ADD1: variants seen among roughly 807,000 people sequenced by gnomAD.
ADD1 encodes adducin 1, also known as alpha-adducin.
Under a neutral mutation model 80.5 loss-of-function variants are expected in ADD1, and 24 were observed. That is an observed-to-expected ratio of 0.30 (90% CI 0.22 to 0.42). The LOEUF (loss-of-function observed/expected upper bound fraction) is 0.42, where lower values mean the gene tolerates loss of function less well. Ranked by LOEUF, ADD1 falls within the 10% of genes least tolerant of loss-of-function variation. ADD1 has a pLI of 1.00. For synonymous variants in ADD1, 373 were observed against 393.8 expected, an observed-to-expected ratio of 0.95 and a Z score of 0.63; for missense variants, 948 against 1,019.0, an observed-to-expected ratio of 0.93 and a Z score of 0.95.
chr4:2,844,986 G>A (rs1311807915), intron 1 of ADD1, among the ~76,000 whole-genome samples: 3 of 152,204 alleles, frequency 2.0e-5, no homozygotes, highest in Admixed American at 1.3e-4. Context: ...ACAGGCACCA[G>A]AGAGAGGAGG....
intron 2 of ADD1, among the ~76,000 whole-genome samples, chr4:2,878,845 G>A (rs1731772054): frequency 6.6e-6 from 1 of 152,144 alleles, no homozygotes; most frequent in South Asian, 2.1e-4. Flanking sequence ...CATTACAATG[G>A]ATCTAAGCCA....
chr4:2,871,695 T>TG (rs1730483748), intron 1 of ADD1, among the ~76,000 whole-genome samples: 1 of 152,210 alleles, frequency 6.6e-6, no homozygotes, highest in South Asian at 2.1e-4. Context: ...GGTTAGCTCA[T>TG]GGCTAGTCTT....
chr4:2,877,671 C>G (rs1206857960), intron 2 of ADD1, among the ~76,000 whole-genome samples: 1 of 152,036 alleles, frequency 6.6e-6, no homozygotes, highest in Non-Finnish European at 1.5e-5. Context: ...GCCAGTCTTT[C>G]AAGAATCAAG....
At chr4:2,878,662 T>TA (rs1731744406) in intron 2 of ADD1, among the ~76,000 whole-genome samples, 1 of 152,072 alleles carries the variant, frequency 6.6e-6, no homozygotes, top group African/African-American at 2.4e-5. Flanking sequence ...CGGTGGCTCA[T>TA]ACCTGTAGTC....
chr4:2,846,933 T>C (rs1726306261), intron 1 of ADD1, among the ~76,000 whole-genome samples: 1 of 149,480 alleles, frequency 6.7e-6, no homozygotes, highest in South Asian at 2.1e-4. Context: ...CTGGCTAACA[T>C]GGTGAAATCC....
chr4:2,873,173 A>G (rs1351362755), intron 1 of ADD1, among the ~76,000 whole-genome samples: 1 of 151,982 alleles, frequency 6.6e-6, no homozygotes, highest in Non-Finnish European at 1.5e-5. Flanking sequence ...TTGCATTTTT[A>G]TTAGAAACAG....
chr4:2,857,437 G>T (rs1019094764), intron 1 of ADD1, among the ~76,000 whole-genome samples: 1 of 152,090 alleles, frequency 6.6e-6, no homozygotes, highest in African/African-American at 2.4e-5. Context: ...TCGAAACCCT[G>T]TCTCTACATA....
At chr4:2,898,085 C>G in intron 6 of ADD1, 99 bp from the exon 7 acceptor site, 1 of 1,409,668 alleles carries the variant, frequency 7.1e-7, no homozygotes, top group Non-Finnish European at 9.6e-7. Flanking sequence ...AAAAACATTT[C>G]CCTTCCCATT....
intron 4 of ADD1, among the ~76,000 whole-genome samples, chr4:2,888,841 C>T (rs1489323868): frequency 6.6e-6 from 1 of 151,116 alleles, no homozygotes; most frequent in Non-Finnish European, 1.5e-5. Flanking sequence ...TCATGTAGAA[C>T]AAGTGAAATA....
chr4:2,848,783 C>T (rs1422090400), intron 1 of ADD1, among the ~76,000 whole-genome samples: 1 of 152,102 alleles, frequency 6.6e-6, no homozygotes, highest in Non-Finnish European at 1.5e-5. Flanking sequence ...GACCTGTTTC[C>T]AGGTTTTTAC....
intron 1 of ADD1, among the ~76,000 whole-genome samples, chr4:2,871,376 C>G (rs1730429324): frequency 6.6e-6 from 1 of 152,146 alleles, no homozygotes; most frequent in Non-Finnish European, 1.5e-5. Context: ...GTTAAACACA[C>G]TGAATTGCTT....
rs573001745 is a variant in ADD1, at chr4:2,897,472, GT to G, written c.742-709del. On this transcript the variant is annotated intron_variant, in intron 6 of 15. Transcript: ENST00000683351. ...ATTTGCTTTCACCTAATTTTTAGGT[GT>G]TTCAATGTTATCTACAACCTAAGAT... Among the ~76,000 whole-genome samples the G allele has an allele frequency of 3.8e-3, 547 of 145,752 alleles. 3 individuals are homozygous for G. Among genetic ancestry groups the G allele is most frequent in the African/African-American group, 0.012 (472 of 39,838 alleles).
At chr4:2,870,253 A>G (rs1327393396) in intron 1 of ADD1, among the ~76,000 whole-genome samples, 15 of 152,262 alleles carry the variant, frequency 9.9e-5, no homozygotes, top group Admixed American at 9.8e-4. Flanking sequence ...TTACACATTA[A>G]TAAAGATGGA....
At chr4:2,924,005 C>T (rs1740546324) in intron 14 of ADD1, among the ~76,000 whole-genome samples, 1 of 152,090 alleles carries the variant, frequency 6.6e-6, no homozygotes, top group Non-Finnish European at 1.5e-5. Flanking sequence ...CAGAAATTCT[C>T]TTTCTCCATA....
intron 8 of ADD1, 55 bp from the exon 9 acceptor site, chr4:2,899,204 G>T: frequency 6.6e-7 from 1 of 1,524,694 alleles, no homozygotes; most frequent in South Asian, 1.3e-5. Flanking sequence ...CAAGTCATCT[G>T]ACCCTCTTGA....
At chr4:2,883,949 G>A (rs1280348910) in intron 3 of ADD1, among the ~76,000 whole-genome samples, 1 of 152,226 alleles carries the variant, frequency 6.6e-6, no homozygotes, top group African/African-American at 2.4e-5. Flanking sequence ...GGGATTACAG[G>A]CGTGAGCCAC....
At chr4:2,857,301 A>G (rs1728229818) in intron 1 of ADD1, among the ~76,000 whole-genome samples, 1 of 152,200 alleles carries the variant, frequency 6.6e-6, no homozygotes, top group Non-Finnish European at 1.5e-5. Flanking sequence ...AATTCAATTT[A>G]AATTTCTTTT....
Position 2,928,332 on chromosome 4 carries a change from A to G in ADD1, c.2209A>G (p.Thr737Ala). ...ACCCCCAAGCCCCACTGAGGCCCCT[A>G]CTGAGGCCAGCCCCGAGCCAGCCCC... ...HRPPSPTEAPTEASPEPAPDP... is the reference protein window; with the variant it reads ...HRPPSPTEAPAEASPEPAPDP... Residue 737 changes from threonine to alanine, a missense_variant, in exon 16 of 16, where the codon ACT becomes GCT. Coordinates refer to ENST00000683351, the MANE Select transcript of ADD1 (RefSeq NM_001354761.2). 1 of 1,613,710 alleles carries G rather than the reference A, an allele frequency of 6.2e-7. No homozygotes were observed. The highest frequency in any genetic ancestry group is 1.1e-5 in the South Asian group (1 of 91,040).
At chr4:2,861,888 G>C (rs561511298) in intron 1 of ADD1, among the ~76,000 whole-genome samples, 25 of 152,318 alleles carry the variant, frequency 1.6e-4, no homozygotes, top group African/African-American at 5.8e-4. Flanking sequence ...AGCTTTGAAT[G>C]CAGCCTAACA....
Sources: allele counts gnomAD v4.1 joint callset (sites outside exome capture counted in the v4.1 genomes callset), GRCh38; gene constraint gnomAD v4.1.1; transcripts MANE v1.5; gene names NCBI Gene and HGNC (gene_info 2026-07-23, HGNC 2026-07-21).